The following GDPD1 variants were observed in gnomAD, a reference collection of about 807,000 sequenced individuals.
GDPD1 encodes the protein lysophospholipase D GDPD1.
A neutral mutation model predicts 45.1 loss-of-function variants in GDPD1; 28 were observed. The ratio of observed to expected loss-of-function variants is 0.62; its 90% CI spans 0.46 to 0.85. The LOEUF is 0.85. Ranked by LOEUF, GDPD1 falls within the 40% of genes least tolerant of loss-of-function variation. GDPD1 has a pLI of 0.00. For missense variants in GDPD1, 256 were observed against 364.8 expected, an observed-to-expected ratio of 0.70 and a Z score of 2.43; for synonymous variants, 139 against 131.4, an observed-to-expected ratio of 1.06 and a Z score of -0.40.
chr17:59,226,065 A>C (rs568546704), intron 1 of GDPD1, among the ~76,000 whole-genome samples: 7 of 152,098 alleles, frequency 4.6e-5, no homozygotes, highest in Admixed American at 3.9e-4. Context: ...TCTGTTTACT[A>C]TCATTATTTT....
intron 7 of GDPD1, among the ~76,000 whole-genome samples, chr17:59,267,957 T>C (rs2047411579): frequency 6.6e-6 from 1 of 152,090 alleles, no homozygotes; most frequent in Admixed American, 6.6e-5. Context: ...GTGACCCGCC[T>C]TGCCCAGCCA....
intron 4 of GDPD1, among the ~76,000 whole-genome samples, chr17:59,255,976 T>C (rs796837492): frequency 6.7e-6 from 1 of 148,454 alleles, no homozygotes; most frequent in Middle Eastern, 3.4e-3. Flanking sequence ...GCCATCATCA[T>C]GCTACTGCAC....
intron 3 of GDPD1, among the ~76,000 whole-genome samples, chr17:59,247,388 C>A (rs532561818): frequency 2.0e-5 from 3 of 152,256 alleles, no homozygotes; most frequent in Admixed American, 6.6e-5. Context: ...TTCAGTCCCC[C>A]CTTCCCTCAT....
intron 8 of GDPD1, 105 bp from the exon 9 acceptor site, chr17:59,272,680 G>A (rs113976338): frequency 1.4e-6 from 1 of 709,216 alleles, no homozygotes; most frequent in Non-Finnish European, 2.6e-6. Flanking sequence ...TTCTTTTATT[G>A]CTGAAGCATT....
chr17:59,230,091 A>G (rs532433972), intron 1 of GDPD1, among the ~76,000 whole-genome samples: 2 of 152,288 alleles, frequency 1.3e-5, no homozygotes, highest in South Asian at 4.2e-4. Context: ...ATGTTTATCT[A>G]TAGCACAGAA....
intron 6 of GDPD1, among the ~76,000 whole-genome samples, chr17:59,266,166 C>G (rs943778335): frequency 6.6e-6 from 1 of 151,972 alleles, no homozygotes; most frequent in Non-Finnish European, 1.5e-5. Context: ...GTGGGCAGAT[C>G]ATCTGAGGTC....
At chr17:59,239,414 G>T (rs1205268452) in intron 2 of GDPD1, among the ~76,000 whole-genome samples, 4 of 150,236 alleles carry the variant, frequency 2.7e-5, no homozygotes, top group Non-Finnish European at 5.9e-5. Context: ...TTTTGTATTT[G>T]TCAACAGCTT....
intron 3 of GDPD1, 43 bp downstream of exon 3, chr17:59,245,592 C>T (rs748670705): frequency 3.0e-5 from 45 of 1,487,070 alleles, no homozygotes; most frequent in Admixed American, 2.8e-4. Context: ...ATAGATGTCG[C>T]GGCCTATAAG....
rs1555725463 is a variant in GDPD1 at position 59,268,596 on chromosome 17, A to AAAAAAAG, written c.710+1427_710+1433dup. On this transcript the variant is annotated intron_variant, in intron 7 of 9. Coordinates refer to ENST00000284116, the MANE Select transcript of GDPD1 (RefSeq NM_182569.4). ...TCTGTCTCAAAAAAAAAAAAAAAAA[A>AAAAAAAG]AAAAAAGAAAAGAAAACACTTTTCA... Among the ~76,000 whole-genome samples the AAAAAAAG allele has an allele frequency of 5.7e-3, 823 of 144,466 alleles. 16 individuals are homozygous for AAAAAAAG. The highest frequency in any genetic ancestry group is 9.0e-3 in the South Asian group (39 of 4,338). The allele number at this position is 144,466 out of a possible 152,430, so 94.8% of individuals were successfully genotyped here. A position where few individuals can be genotyped will look rare whatever the true frequency, so the allele number is the denominator to read the frequency against.
intron 1 of GDPD1, among the ~76,000 whole-genome samples, chr17:59,232,495 C>G (rs142386821): frequency 1.3e-4 from 20 of 151,690 alleles, no homozygotes; most frequent in Non-Finnish European, 2.6e-4. Flanking sequence ...AAATGGATAT[C>G]GAAGAAGTTT....
Position 59,275,777 on chromosome 17 carries a change from A to G in GDPD1, c.*2004A>G, listed in dbSNP as rs1407478334. 1.3e-5 allele frequency: 2 copies of G among 152,268 alleles called. No individual in the cohort carries two copies. The highest frequency in any genetic ancestry group is 2.4e-5 in the African/African-American group (1 of 41,428). 9.4% of individuals were successfully genotyped at this position (152,268 alleles called of 1,614,324 possible). A position where few individuals can be genotyped will look rare whatever the true frequency, so the allele number is the denominator to read the frequency against. On this transcript the variant is annotated 3_prime_UTR_variant, in exon 10 of 10. Coordinates refer to ENST00000284116, the MANE Select transcript of GDPD1 (RefSeq NM_182569.4). The stretch of plus-strand genomic sequence containing the variant: ...CATCTGTTTCTAATATATTTGACTA[A>G]TTTTCATGATCTCAGATTGTGAGGT...
chr17:59,230,320 A>G lies in GDPD1; in HGVS notation c.143-4172A>G, dbSNP rs952370776. 3.3e-5 allele frequency among the ~76,000 whole-genome samples: 5 copies of G among 150,772 alleles called. 1 individual carries two copies. The highest frequency in any genetic ancestry group is 2.0e-4 in the Admixed American group (3 of 15,102). On this transcript the variant is annotated intron_variant, in intron 1 of 9. Coordinates refer to ENST00000284116, the MANE Select transcript of GDPD1 (RefSeq NM_182569.4). ...AAAGCTAAAATGAAGATCTCAAGCG[A>G]TGAAGTTAAAATGAAAGGAACTGTG...
chr17:59,240,147 T>C (rs2047164532), intron 2 of GDPD1, among the ~76,000 whole-genome samples: 1 of 151,948 alleles, frequency 6.6e-6, no homozygotes, highest in Non-Finnish European at 1.5e-5. Flanking sequence ...CAAAAATTAG[T>C]TGGCGTGGTG....
chr17:59,248,922 T>C (rs1262820786), intron 4 of GDPD1, 137 bp downstream of exon 4: 3 of 591,326 alleles, frequency 5.1e-6, no homozygotes, highest in African/African-American at 1.9e-5. Flanking sequence ...TACTTGAAAA[T>C]TATCTGACGT....
At chr17:59,232,899 C>A (rs989636703) in intron 1 of GDPD1, among the ~76,000 whole-genome samples, 2 of 151,888 alleles carry the variant, frequency 1.3e-5, no homozygotes, top group Non-Finnish European at 2.9e-5. Flanking sequence ...AAAAAAATAA[C>A]AGTGTATGGT....
intron 3 of GDPD1, 117 bp from the exon 4 acceptor site, chr17:59,248,623 T>G (rs2047230536): frequency 1.5e-6 from 1 of 685,826 alleles, no homozygotes; most frequent in African/African-American, 1.8e-5. Flanking sequence ...GGGTGCCTAG[T>G]AAAGTGTTTT....
In GDPD1 at chr17:59,243,692, AC is replaced by A. The variant is rs2047191367; in HGVS notation, c.186-1718del. Among the ~76,000 whole-genome samples, 3 of 152,100 alleles carry A rather than the reference AC, an allele frequency of 2.0e-5. No individual in the cohort carries two copies. In the South Asian group the frequency reaches 6.2e-4, roughly 32 times the overall value. ...CGTACCTATTTTAAAATTCAGATAT[AC>A]CCCAACAATGCTATTCCATGTGAAT... is the stretch of plus-strand genomic sequence containing the variant. On this transcript the variant is annotated intron_variant, in intron 2 of 9. Coordinates refer to ENST00000284116, the MANE Select transcript of GDPD1 (RefSeq NM_182569.4).
At chr17:59,257,626 T>C (rs2047319363) in intron 5 of GDPD1, 125 bp from the exon 6 acceptor site, 2 of 625,336 alleles carry the variant, frequency 3.2e-6, no homozygotes, top group South Asian at 2.0e-5. Context: ...AATTTACATA[T>C]TGATTCTTCC....
chr17:59,252,873 G>A (rs1167946041), intron 4 of GDPD1, among the ~76,000 whole-genome samples: 6 of 151,194 alleles, frequency 4.0e-5, no homozygotes, highest in South Asian at 4.2e-4. Context: ...GGTGGCGTGC[G>A]CCTGTTATAC....
Sources: gnomAD v4.1 joint callset for allele counts (sites outside exome capture counted in the v4.1 genomes callset) on GRCh38, gnomAD v4.1.1 for gene constraint, MANE v1.5 for transcripts, NCBI Gene and HGNC (gene_info 2026-07-23, HGNC 2026-07-21) for gene names.